PCDH9: variants seen among roughly 807,000 people sequenced by gnomAD.
PCDH9 encodes the protein protocadherin-9.
In PCDH9, 24 loss-of-function variants were observed where a neutral mutation model predicts 70.6. That is an observed-to-expected ratio of 0.34 (90% CI 0.25 to 0.48). PCDH9 has a LOEUF of 0.48. Among genes scored for constraint, PCDH9 ranks in the 20% least tolerant of loss-of-function variants. The pLI is 0.99. For missense variants in PCDH9, 1,281 were observed against 1,503.6 expected, an observed-to-expected ratio of 0.85 and a Z score of 2.45; for synonymous variants, 562 against 558.5, an observed-to-expected ratio of 1.01 and a Z score of -0.09.
At chr13:66,903,865 C>T (rs1594235413) in intron 2 of PCDH9, among the ~76,000 whole-genome samples, 1 of 151,876 alleles carries the variant, frequency 6.6e-6, no homozygotes, top group Non-Finnish European at 1.5e-5. Context: ...CTTTTTTAGG[C>T]AATATTTATT....
intron 4 of PCDH9, among the ~76,000 whole-genome samples, chr13:66,604,341 C>T (rs1313044566): frequency 6.6e-6 from 1 of 151,988 alleles, no homozygotes; most frequent in East Asian, 1.9e-4. Context: ...AAATATTATA[C>T]ATATAATTTA....
At chr13:66,332,315 T>A (rs1440694567) in intron 4 of PCDH9, among the ~76,000 whole-genome samples, 1 of 152,126 alleles carries the variant, frequency 6.6e-6, no homozygotes, top group East Asian at 1.9e-4. Context: ...TAGAATGAGG[T>A]CTTCAATCAG....
At chr13:67,133,453 A>C (rs550525463) in intron 2 of PCDH9, among the ~76,000 whole-genome samples, 40 of 152,296 alleles carry the variant, frequency 2.6e-4, no homozygotes, top group Non-Finnish European at 4.9e-4. Context: ...GGAATTCTGA[A>C]TTGGAATTCC....
intron 2 of PCDH9, among the ~76,000 whole-genome samples, chr13:67,032,841 A>T (rs1283083885): frequency 6.6e-6 from 1 of 152,198 alleles, no homozygotes; most frequent in Non-Finnish European, 1.5e-5. Flanking sequence ...TAAGCACAGC[A>T]ACTGCTGTGT....
At chr13:66,310,621 G>T (rs1229557904) in intron 4 of PCDH9, among the ~76,000 whole-genome samples, 4 of 151,738 alleles carry the variant, frequency 2.6e-5, no homozygotes, top group Admixed American at 6.6e-5. Context: ...AAAGCTATGG[G>T]ACTTTTTACA....
At chr13:66,903,711 C>G (rs531489563) in intron 2 of PCDH9, 106 bp from the exon 3 acceptor site, 9 of 511,102 alleles carry the variant, frequency 1.8e-5, no homozygotes, top group Non-Finnish European at 2.9e-5. Context: ...ACCACTTGAG[C>G]TAACAAGGGT....
At chr13:66,589,021 T>C (rs1040750044) in intron 4 of PCDH9, among the ~76,000 whole-genome samples, 11 of 152,088 alleles carry the variant, frequency 7.2e-5, no homozygotes, top group African/African-American at 2.2e-4. Flanking sequence ...GTATATGTTA[T>C]ATAAAATGTT....
At chr13:67,166,578 A>T (rs1029449179) in intron 2 of PCDH9, among the ~76,000 whole-genome samples, 1 of 152,188 alleles carries the variant, frequency 6.6e-6, no homozygotes, top group Non-Finnish European at 1.5e-5. Context: ...AACATAATTG[A>T]TATTTTCTGT....
intron 2 of PCDH9, chr13:67,209,309 C>T (rs2089422264): frequency 6.6e-6 from 1 of 152,096 alleles, no homozygotes; most frequent in South Asian, 2.1e-4. Context: ...TTTAACCCCT[C>T]TTCAAATTGG....
chr13:66,364,120 A>C (rs1956516071), intron 4 of PCDH9, among the ~76,000 whole-genome samples: 1 of 152,046 alleles, frequency 6.6e-6, no homozygotes, highest in Non-Finnish European at 1.5e-5. Flanking sequence ...ACGCCATTGC[A>C]CTCCAGCATG....
intron 2 of PCDH9, among the ~76,000 whole-genome samples, chr13:66,923,678 T>G (rs936774975): frequency 6.6e-6 from 1 of 151,674 alleles, no homozygotes; most frequent in Non-Finnish European, 1.5e-5. Flanking sequence ...AATGATTAAG[T>G]AATTTGCTTA....
intron 4 of PCDH9, among the ~76,000 whole-genome samples, chr13:66,498,154 T>C (rs935692967): frequency 1.3e-5 from 2 of 150,880 alleles, no homozygotes; most frequent in Admixed American, 6.6e-5. Flanking sequence ...TATTATTATT[T>C]TTTTTTTGAG....
intron 2 of PCDH9, among the ~76,000 whole-genome samples, chr13:67,047,887 G>T (rs73211183): frequency 6.6e-6 from 1 of 151,976 alleles, no homozygotes; most frequent in Non-Finnish European, 1.5e-5. Context: ...AGCACTCTAC[G>T]CTACCAGTTT....
At position 66,470,179 on chromosome 13, in the gene PCDH9, C is replaced by T. The variant is rs565870122; in HGVS notation, c.3340+161031G>A. On this transcript the variant is annotated intron_variant, in intron 4 of 4. Coordinates refer to ENST00000377865, the MANE Select transcript of PCDH9 (RefSeq NM_203487.3). Reference sequence around the variant, plus strand: ...CGTAATTAAAACAATACGACATGACCTTCCTTGCTAGTTTGAATTGTGACA... The same window carrying T: ...CGTAATTAAAACAATACGACATGACTTTCCTTGCTAGTTTGAATTGTGACA... Among the ~76,000 whole-genome samples, 4 of 152,168 alleles carry T rather than the reference C, an allele frequency of 2.6e-5. No individual in the cohort carries two copies. The South Asian group carries it at 6.2e-4, about 24-fold the overall frequency.
At chr13:66,584,799 T>A (rs1236233769) in intron 4 of PCDH9, among the ~76,000 whole-genome samples, 2 of 152,032 alleles carry the variant, frequency 1.3e-5, no homozygotes, top group African/African-American at 4.8e-5. Flanking sequence ...AGGCTCACGA[T>A]GGAAATGGGA....
intron 3 of PCDH9, among the ~76,000 whole-genome samples, chr13:66,835,292 A>C (rs1365147299): frequency 6.6e-6 from 1 of 152,208 alleles, no homozygotes; most frequent in African/African-American, 2.4e-5. Flanking sequence ...CCTGTGGATG[A>C]GGCTGTCTTG....
At chr13:67,193,903 C>T (rs927649572) in intron 2 of PCDH9, among the ~76,000 whole-genome samples, 2 of 152,012 alleles carry the variant, frequency 1.3e-5, no homozygotes, top group Admixed American at 6.5e-5. Context: ...ACAAACGAGG[C>T]CAACATTTAA....
In PCDH9 at chr13:66,411,645, G is replaced by A. The variant is rs1177975883; in HGVS notation, c.3341-106617C>T. Among the ~76,000 whole-genome samples, 4 of 151,018 alleles carry A rather than the reference G, an allele frequency of 2.6e-5. No individual in the cohort carries two copies. In the East Asian group the frequency reaches 7.8e-4, roughly 29 times the overall value. Reference sequence around the variant, plus strand: ...GAAGATAGACAGATATATAGATGATGGATAGATAGATAGATAGATAGATAG... The same window carrying A: ...GAAGATAGACAGATATATAGATGATAGATAGATAGATAGATAGATAGATAG... On this transcript the variant is annotated intron_variant, in intron 4 of 4. Transcript: ENST00000377865.
At chr13:66,647,250 C>T (rs1566479633) in intron 3 of PCDH9, among the ~76,000 whole-genome samples, 1 of 152,174 alleles carries the variant, frequency 6.6e-6, no homozygotes, top group Admixed American at 6.5e-5. Flanking sequence ...CCTCCCCCAT[C>T]CCCAGGCTGT....
Sources: allele counts gnomAD v4.1 joint callset (sites outside exome capture counted in the v4.1 genomes callset), GRCh38; gene constraint gnomAD v4.1.1; transcripts MANE v1.5; gene names NCBI Gene and HGNC (gene_info 2026-07-23, HGNC 2026-07-21).